Variants in LYZL4 observed in about 807,000 individuals in gnomAD.
LYZL4 encodes the protein lysozyme like 4.
In LYZL4, 13 loss-of-function variants were observed where a neutral mutation model predicts 17.6. That is an observed-to-expected ratio of 0.74 (90% CI 0.48 to 1.18). The LOEUF (loss-of-function observed/expected upper bound fraction) is 1.18, where lower values mean the gene tolerates loss of function less well. LYZL4 is among the 50% of genes most tolerant of loss of function. The pLI, the probability that LYZL4 is intolerant of heterozygous loss-of-function variation, is 0.00. For missense variants in LYZL4, 174 were observed against 188.2 expected (o/e 0.92, Z 0.44); for synonymous variants, 64 against 67.7 (o/e 0.95, Z 0.27).
chr3:42,381,311 T>A, the LYZL4 span, among the ~76,000 whole-genome samples: 1 of 35,990 alleles, frequency 2.8e-5, no homozygotes, highest in Non-Finnish European at 8.8e-5. Flanking sequence ...AAATTTTGAA[T>A]TTTTTTCAGA....
the LYZL4 span, among the ~76,000 whole-genome samples, chr3:42,380,540 A>T: frequency 6.6e-6 from 1 of 152,152 alleles, no homozygotes; most frequent in African/African-American, 2.4e-5. Context: ...TCAAAACAGC[A>T]GAGTGTTCTC....
the LYZL4 span, among the ~76,000 whole-genome samples, chr3:42,385,869 A>G: frequency 9.2e-5 from 14 of 152,318 alleles, no homozygotes; most frequent in African/African-American, 3.1e-4. Context: ...GTTGGTTTCT[A>G]TTGCTGCTGT....
At chr3:42,364,062 C>G in the LYZL4 span, among the ~76,000 whole-genome samples, 23 of 152,284 alleles carry the variant, frequency 1.5e-4, no homozygotes, top group African/African-American at 5.1e-4. Flanking sequence ...CGGTAAGAGG[C>G]AAGAAAAGAG....
chr3:42,361,048 C>T, the LYZL4 span, among the ~76,000 whole-genome samples: 1 of 152,162 alleles, frequency 6.6e-6, no homozygotes, highest in Non-Finnish European at 1.5e-5. Context: ...CATTTCCACT[C>T]GTATCCCCTC....
the LYZL4 span, among the ~76,000 whole-genome samples, chr3:42,383,886 A>C: frequency 6.6e-6 from 1 of 152,246 alleles, no homozygotes; most frequent in Non-Finnish European, 1.5e-5. Context: ...TGAATGAATG[A>C]CAAATACAAA....
At chr3:42,369,471 T>C in the LYZL4 span, among the ~76,000 whole-genome samples, 1 of 152,274 alleles carries the variant, frequency 6.6e-6, no homozygotes, top group Admixed American at 6.5e-5. Flanking sequence ...GCTCTGCTTA[T>C]AGAAACAGAA....
At chr3:42,385,564 G>A in the LYZL4 span, among the ~76,000 whole-genome samples, 1 of 152,180 alleles carries the variant, frequency 6.6e-6, no homozygotes. Flanking sequence ...ACATCATTAA[G>A]TAAGGCATGC....
the LYZL4 span, among the ~76,000 whole-genome samples, chr3:42,366,250 C>T: frequency 1.3e-5 from 2 of 152,218 alleles, no homozygotes; most frequent in South Asian, 4.1e-4. Context: ...GTGTGTCTCC[C>T]ATTTGTCAAA....
chr3:42,369,829 T>C, the LYZL4 span, among the ~76,000 whole-genome samples: 1 of 152,238 alleles, frequency 6.6e-6, no homozygotes, highest in Non-Finnish European at 1.5e-5. Flanking sequence ...TGAGGCTTCA[T>C]GCAAGCATTT....
chr3:42,394,729 A>G (rs1698528814), downstream of LYZL4, among the ~76,000 whole-genome samples: 1 of 152,186 alleles, frequency 6.6e-6, no homozygotes, highest in East Asian at 1.9e-4. Context: ...AGGCTGTTCC[A>G]ATCAATACAC....
the LYZL4 span, among the ~76,000 whole-genome samples, chr3:42,370,433 A>G: frequency 6.6e-6 from 1 of 152,116 alleles, no homozygotes; most frequent in Non-Finnish European, 1.5e-5. Context: ...GCCCTCTGTT[A>G]TGAAAATAAA....
intron 4 of LYZL4, among the ~76,000 whole-genome samples, chr3:42,400,734 T>C (rs145833462): frequency 4.6e-5 from 7 of 152,242 alleles, no homozygotes; most frequent in African/African-American, 1.4e-4. Flanking sequence ...ATCTGGAGAT[T>C]ACAATGTCCA....
the LYZL4 span, among the ~76,000 whole-genome samples, chr3:42,382,988 C>T: frequency 6.6e-6 from 1 of 151,994 alleles, no homozygotes; most frequent in Non-Finnish European, 1.5e-5. Flanking sequence ...GGCTAAGTGG[C>T]TCAAAGTCTG....
At chr3:42,381,747 T>C in the LYZL4 span, among the ~76,000 whole-genome samples, 3 of 152,198 alleles carry the variant, frequency 2.0e-5, no homozygotes, top group African/African-American at 7.2e-5. Flanking sequence ...GAGATCACTG[T>C]AAAATATAAA....
At chr3:42,396,139 AAATACTCACTGGCACTAAAATTT>A (rs2125598855), downstream of LYZL4, among the ~76,000 whole-genome samples, 1 of 152,324 alleles carries the variant, frequency 6.6e-6, no homozygotes, top group East Asian at 1.9e-4. Flanking sequence ...TCATATACTG[AAATACTCACTGGCACTAAAATTT>A]CACTTTGAAG....
downstream of LYZL4, among the ~76,000 whole-genome samples, chr3:42,395,244 T>A (rs1359832892): frequency 6.6e-6 from 1 of 152,218 alleles, no homozygotes; most frequent in Non-Finnish European, 1.5e-5. Context: ...GCTGAATTGA[T>A]TTGGATCTTG....
intron 4 of LYZL4, among the ~76,000 whole-genome samples, chr3:42,402,949 A>G (rs1661466090): frequency 6.6e-6 from 1 of 152,256 alleles, no homozygotes; most frequent in Non-Finnish European, 1.5e-5. Flanking sequence ...ACACAAAAAC[A>G]TAAGCAAATG....
At chr3:42,409,888 C>G (rs1698831651) in intron 1 of LYZL4, among the ~76,000 whole-genome samples, 1 of 152,238 alleles carries the variant, frequency 6.6e-6, no homozygotes, top group Non-Finnish European at 1.5e-5. Flanking sequence ...ACATCACTCT[C>G]TCCTTTGTTC....
chr3:42,393,250 T>C (rs969902305), downstream of LYZL4, among the ~76,000 whole-genome samples: 2 of 152,040 alleles, frequency 1.3e-5, no homozygotes, highest in Non-Finnish European at 2.9e-5. Flanking sequence ...GTGTCCTGAG[T>C]GTGCATGAGA....
Sources: gnomAD v4.1 joint callset for allele counts (sites outside exome capture counted in the v4.1 genomes callset) on GRCh38, gnomAD v4.1.1 for gene constraint, MANE v1.5 for transcripts, NCBI Gene and HGNC (gene_info 2026-07-23, HGNC 2026-07-21) for gene names.